The following PMPCB variants were observed in gnomAD, a reference collection of about 807,000 sequenced individuals.
The protein encoded by PMPCB is peptidase, mitochondrial processing subunit beta.
Under a neutral mutation model 61.5 loss-of-function variants are expected in PMPCB, and 46 were observed. The observed-to-expected ratio is 0.75, with a 90% CI of 0.59 to 0.96. PMPCB has a LOEUF of 0.96. PMPCB is among the 40% of genes least tolerant of loss of function. The pLI is 0.00. For missense variants in PMPCB, 590 were observed against 602.4 expected (o/e 0.98, Z 0.22); for synonymous variants, 191 against 201.6 (o/e 0.95, Z 0.44).
intron 12 of PMPCB, chr7:103,323,608 TTTCTTTTTC>T: frequency 6.8e-7 from 1 of 1,469,188 alleles, no homozygotes; most frequent in Admixed American, 2.0e-5. Context: ...CATTCTGCTT[TTTCTTTTTC>T]TTCTTCATCT....
At chr7:103,319,812 C>G in intron 12 of PMPCB, 1 of 1,614,174 alleles carries the variant, frequency 6.2e-7, no homozygotes, top group Non-Finnish European at 8.5e-7. Context: ...TTTTAACCCG[C>G]TCTGCCTCAT....
At chr7:103,326,773 A>T (rs1373043058) in intron 12 of PMPCB, 29 of 1,307,788 alleles carry the variant, frequency 2.2e-5, no homozygotes, top group Non-Finnish European at 3.0e-5. Flanking sequence ...TAAAACATAG[A>T]AGTCATTAAT....
chr7:103,310,554 G>C, intron 9 of PMPCB, 79 bp downstream of exon 9: 1 of 1,102,454 alleles, frequency 9.1e-7, no homozygotes. Context: ...ACTTTATGGT[G>C]ATTTATGGTA....
the PMPCB span, chr7:103,337,513 T>G: frequency 2.1e-6 from 1 of 467,200 alleles, no homozygotes; most frequent in Non-Finnish European, 3.8e-6. Context: ...ACACCCATCC[T>G]AATTTCTTAT....
intron 12 of PMPCB, chr7:103,328,917 T>C: frequency 1.1e-6 from 1 of 869,970 alleles, no homozygotes; most frequent in Non-Finnish European, 1.6e-6. Context: ...TTATTTAGGA[T>C]TCTTTCTTCT....
downstream of PMPCB, chr7:103,315,642 A>G (rs542857117): frequency 1.3e-5 from 8 of 606,066 alleles, no homozygotes; most frequent in African/African-American, 5.6e-5. Context: ...GTTTGCTTAC[A>G]GCTTCCAGTC....
chr7:103,333,997 C>T (rs13221892), downstream of PMPCB, among the ~76,000 whole-genome samples: 86,178 of 149,236 alleles, frequency 0.58, 26,973 homozygotes, highest in Middle Eastern at 0.78. Flanking sequence ...GTTGCCCAGG[C>T]TGGAGTGCAG....
chr7:103,324,652 T>C (rs1818605774), intron 12 of PMPCB: 1 of 1,133,340 alleles, frequency 8.8e-7, no homozygotes, highest in Admixed American at 3.7e-5. Flanking sequence ...AACAATAATT[T>C]TTACTAATTC....
downstream of PMPCB, among the ~76,000 whole-genome samples, chr7:103,332,105 T>C (rs941190973): frequency 2.6e-5 from 4 of 151,674 alleles, no homozygotes; most frequent in African/African-American, 7.3e-5. Flanking sequence ...CTCGGGTTCA[T>C]GCCATTCTCC....
the PMPCB span, among the ~76,000 whole-genome samples, chr7:103,343,061 G>A: frequency 9.6e-3 from 1,449 of 151,666 alleles, 18 homozygotes; most frequent in African/African-American, 0.032. Flanking sequence ...GTGCAATAGC[G>A]CAATCTCGGC....
chr7:103,329,022 T>C, exon 13 of PMPCB: 1 of 1,267,700 alleles, frequency 7.9e-7, no homozygotes, highest in South Asian at 1.3e-5. Context: ...TGAACATCCT[T>C]TTACCACAGC....
At chr7:103,297,974 G>C (rs910401798) in intron 1 of PMPCB, 7 of 1,185,366 alleles carry the variant, frequency 5.9e-6, no homozygotes, top group Non-Finnish European at 1.1e-6. Context: ...TTATGTATTT[G>C]CATTTTTCTC....
chr7:103,303,801 A>G (rs1000975790), intron 4 of PMPCB, 41 bp from the exon 5 acceptor site: 1 of 1,424,114 alleles, frequency 7.0e-7, no homozygotes, highest in Non-Finnish European at 9.6e-7. Context: ...AGTGAAAGTT[A>G]AGATTGCTGG....
At chr7:103,300,346 A>T in intron 4 of PMPCB, 39 bp downstream of exon 4, 5 of 1,489,224 alleles carry the variant, frequency 3.4e-6, no homozygotes, top group South Asian at 1.3e-5. Flanking sequence ...TGTAATTTTC[A>T]TGAGAATCAG....
At chr7:103,344,595 C>T in the PMPCB span, 5 of 1,612,760 alleles carry the variant, frequency 3.1e-6, no homozygotes, top group African/African-American at 4.0e-5. Context: ...GTGCCCCGGC[C>T]GTCCGCGGCG....
chr7:103,313,888 A>G lies in PMPCB; in HGVS notation c.*1617A>G, dbSNP rs1385119299. ...TGGTTAAGTTAATGGACTTCTGGCA[A>G]TTTAGTTATTTCAGACTATGCAGTG... On this transcript the variant is annotated 3_prime_UTR_variant, in exon 13 of 13. Transcript: ENST00000249269. 11 of 985,322 alleles carry G rather than the reference A, an allele frequency of 1.1e-5. No homozygotes were observed. The highest frequency in any genetic ancestry group is 1.3e-5 in the Non-Finnish European group (11 of 829,932). The allele number at this position is 985,322 out of a possible 1,614,324, so 61.0% of individuals were successfully genotyped here. A position where few individuals can be genotyped will look rare whatever the true frequency, so the allele number is the denominator to read the frequency against.
chr7:103,332,779 A>G (rs925000866), downstream of PMPCB, among the ~76,000 whole-genome samples: 2 of 152,046 alleles, frequency 1.3e-5, no homozygotes, highest in African/African-American at 4.8e-5. Flanking sequence ...ACGCACCACT[A>G]TGCCCAGCTA....
the PMPCB span, chr7:103,344,686 T>A: frequency 5.2e-6 from 8 of 1,549,516 alleles, no homozygotes; most frequent in East Asian, 1.8e-4. Flanking sequence ...GCGCTTAGGG[T>A]CCCCTCCAGC....
chr7:103,344,209 G>C, the PMPCB span: 1 of 309,694 alleles, frequency 3.2e-6, no homozygotes. Context: ...GGCACGTGGG[G>C]TGCTCGCTGC....
Sources: gnomAD v4.1 joint callset for allele counts (sites outside exome capture counted in the v4.1 genomes callset) on GRCh38, gnomAD v4.1.1 for gene constraint, MANE v1.5 for transcripts, NCBI Gene and HGNC (gene_info 2026-07-23, HGNC 2026-07-21) for gene names.